PDE1C: variants seen among roughly 807,000 people sequenced by gnomAD.
PDE1C encodes dual specificity calcium/calmodulin-dependent 3',5'-cyclic nucleotide phosphodiesterase 1C.
PDE1C carries 62 observed loss-of-function variants against 93.1 expected under a neutral mutation model. The ratio of observed to expected loss-of-function variants is 0.67; its 90% CI spans 0.54 to 0.82. The LOEUF is 0.82. Among genes scored for constraint, PDE1C ranks in the 40% least tolerant of loss-of-function variants. The pLI, the probability that PDE1C is intolerant of heterozygous loss-of-function variation, is 0.00. For synonymous variants in PDE1C, 325 were observed against 310.1 expected, an observed-to-expected ratio of 1.05 and a Z score of -0.50; for missense variants, 742 against 884.6, an observed-to-expected ratio of 0.84 and a Z score of 2.04.
the PDE1C span, among the ~76,000 whole-genome samples, chr7:31,733,577 C>G: frequency 1.3e-5 from 2 of 152,198 alleles, no homozygotes; most frequent in African/African-American, 2.4e-5. Flanking sequence ...CATCTGAATC[C>G]TCATACATTG....
chr7:32,028,884 T>C (rs1353942691), intron 2 of PDE1C, among the ~76,000 whole-genome samples: 1 of 152,130 alleles, frequency 6.6e-6, no homozygotes, highest in Non-Finnish European at 1.5e-5. Flanking sequence ...CATTCTATTA[T>C]CTGCTTCTAT....
chr7:31,651,992 C>T, the PDE1C span: 3 of 1,606,440 alleles, frequency 1.9e-6, no homozygotes, highest in South Asian at 3.4e-5. Context: ...CAGCAGGTGG[C>T]AGAGTTGGAA....
At chr7:32,185,838 T>C (rs889105575) in intron 2 of PDE1C, among the ~76,000 whole-genome samples, 33 of 152,200 alleles carry the variant, frequency 2.2e-4, no homozygotes, top group Admixed American at 9.8e-4. Flanking sequence ...CAATGTTCAA[T>C]AGACACATGA....
At chr7:32,261,051 A>C (rs1383472989) in intron 1 of PDE1C, among the ~76,000 whole-genome samples, 1 of 152,134 alleles carries the variant, frequency 6.6e-6, no homozygotes, top group Non-Finnish European at 1.5e-5. Flanking sequence ...TGGAGGTTGC[A>C]GTGAGCTGAG....
intron 2 of PDE1C, among the ~76,000 whole-genome samples, chr7:31,918,484 G>A (rs1031310635): frequency 1.7e-4 from 26 of 152,172 alleles, no homozygotes; most frequent in African/African-American, 5.8e-4. Flanking sequence ...AGCTGTGCAC[G>A]TTGAGGAGGT....
chr7:32,180,282 CA>C (rs1803305179), intron 2 of PDE1C, among the ~76,000 whole-genome samples: 1 of 152,124 alleles, frequency 6.6e-6, no homozygotes, highest in Non-Finnish European at 1.5e-5. Flanking sequence ...TCATACACAT[CA>C]GGGGTGGGGA....
chr7:32,159,894 G>A (rs1801806071), intron 3 of PDE1C, among the ~76,000 whole-genome samples: 1 of 152,148 alleles, frequency 6.6e-6, no homozygotes, highest in African/African-American at 2.4e-5. Flanking sequence ...GTTTGGACAG[G>A]CCCCAGAGGC....
chr7:31,941,692 T>C (rs1401148255), intron 2 of PDE1C: 1 of 152,432 alleles, frequency 6.6e-6, no homozygotes, highest in Admixed American at 6.5e-5. Flanking sequence ...TTTTAGGAAC[T>C]GAACATTGGA....
rs531436110 is a variant in PDE1C at position 31,839,635 on chromosome 7, A to G, written c.981-1664T>C. Among the ~76,000 whole-genome samples the G allele has an allele frequency of 2.4e-4, 37 of 152,338 alleles. No individual in the cohort carries two copies. The South Asian group carries it at 6.2e-3, about 26-fold the overall frequency. ...GTTTGGAACTATTGTGAATAAAGCT[A>G]CTATGGGTATTCATACATAAATCTT... is the stretch of plus-strand genomic sequence containing the variant. On this transcript the variant is annotated intron_variant, in intron 9 of 17. Coordinates refer to ENST00000396191, the MANE Select transcript of PDE1C (RefSeq NM_001191057.4).
intron 1 of PDE1C, among the ~76,000 whole-genome samples, chr7:32,274,701 G>T (rs963791154): frequency 1.3e-5 from 2 of 152,036 alleles, no homozygotes; most frequent in Admixed American, 1.3e-4. Flanking sequence ...TTGGTAAGTA[G>T]GGACAAACTT....
intron 17 of PDE1C, among the ~76,000 whole-genome samples, chr7:31,762,821 G>A (rs1444579817): frequency 2.6e-5 from 4 of 152,086 alleles, no homozygotes; most frequent in Admixed American, 6.5e-5. Context: ...TGAACCAAAC[G>A]GCCACTAGTA....
At chr7:32,263,137 G>C (rs1810333590) in intron 1 of PDE1C, among the ~76,000 whole-genome samples, 2 of 152,162 alleles carry the variant, frequency 1.3e-5, no homozygotes, top group African/African-American at 4.8e-5. Flanking sequence ...GCTAACCCAG[G>C]TCTCTGGGAG....
intron 1 of PDE1C, among the ~76,000 whole-genome samples, chr7:32,055,789 C>T (rs1309051774): frequency 1.3e-5 from 2 of 152,174 alleles, no homozygotes; most frequent in Non-Finnish European, 2.9e-5. Flanking sequence ...GGCGCAATCT[C>T]GGCTCACTGC....
intron 3 of PDE1C, among the ~76,000 whole-genome samples, chr7:32,145,767 C>T (rs186642391): frequency 1.5e-4 from 23 of 151,964 alleles, no homozygotes; most frequent in Admixed American, 1.5e-3. Context: ...CAAGTATTAC[C>T]AATCCCATTT....
chr7:32,368,889 C>A (rs1784274299), intron 1 of PDE1C, among the ~76,000 whole-genome samples: 1 of 152,056 alleles, frequency 6.6e-6, no homozygotes, highest in Admixed American at 6.6e-5. Context: ...GGAACATATA[C>A]TGGAGAAAGA....
At chr7:32,033,458 C>T (rs1232226572) in intron 2 of PDE1C, among the ~76,000 whole-genome samples, 1 of 152,106 alleles carries the variant, frequency 6.6e-6, no homozygotes, top group Non-Finnish European at 1.5e-5. Context: ...GTCCTTCCTT[C>T]AGTCAGTACC....
chr7:32,252,144 C>A (rs1292430937), intron 1 of PDE1C, among the ~76,000 whole-genome samples: 1 of 152,210 alleles, frequency 6.6e-6, no homozygotes, highest in African/African-American at 2.4e-5. Flanking sequence ...TCCTCTCTGA[C>A]CTGCTTACTT....
At chr7:31,743,633 G>A in the PDE1C span, among the ~76,000 whole-genome samples, 1 of 151,948 alleles carries the variant, frequency 6.6e-6, no homozygotes, top group Admixed American at 6.6e-5. Flanking sequence ...AAACTAATGT[G>A]TAAGCATTTC....
At chr7:31,767,848 G>A (rs1217626570) in intron 17 of PDE1C, among the ~76,000 whole-genome samples, 3 of 152,154 alleles carry the variant, frequency 2.0e-5, no homozygotes, top group Non-Finnish European at 1.5e-5. Context: ...GACCAAGCTA[G>A]CTCTCTGGGG....
Sources: allele counts gnomAD v4.1 joint callset (sites outside exome capture counted in the v4.1 genomes callset), GRCh38; gene constraint gnomAD v4.1.1; transcripts MANE v1.5; gene names NCBI Gene and HGNC (gene_info 2026-07-23, HGNC 2026-07-21).